The following CDH13 variants were observed in gnomAD, a reference collection of about 807,000 sequenced individuals.
CDH13 encodes cadherin-13.
CDH13 carries 24 observed loss-of-function variants against 63.8 expected under a neutral mutation model. The observed-to-expected ratio is 0.38, with a 90% CI of 0.27 to 0.53. CDH13 has a LOEUF of 0.53. Among genes scored for constraint, CDH13 ranks in the 20% least tolerant of loss-of-function variants. The pLI is 0.85. For missense variants in CDH13, 1,049 were observed against 903.1 expected (o/e 1.16, Z -2.07); for synonymous variants, 503 against 355.3 (o/e 1.42, Z -4.67).
intron 13 of CDH13, chr16:83,790,349 AAAGT>A (rs1236648671): frequency 1.3e-5 from 2 of 152,226 alleles, no homozygotes; most frequent in African/African-American, 4.8e-5. Flanking sequence ...ACTGATATTG[AAAGT>A]AATAAAAAAT....
intron 1 of CDH13, among the ~76,000 whole-genome samples, chr16:82,724,033 T>C (rs2032943987): frequency 6.6e-6 from 1 of 152,208 alleles, no homozygotes; most frequent in Non-Finnish European, 1.5e-5. Flanking sequence ...AACAACTTCA[T>C]TGGTACTCTC....
chr16:82,638,155 T>C (rs1908917359), intron 1 of CDH13, among the ~76,000 whole-genome samples: 1 of 152,164 alleles, frequency 6.6e-6, no homozygotes, highest in South Asian at 2.1e-4. Context: ...AAATGTTACC[T>C]ACCAACTATG....
chr16:82,677,134 G>C (rs1914019701), intron 1 of CDH13, among the ~76,000 whole-genome samples: 1 of 152,154 alleles, frequency 6.6e-6, no homozygotes, highest in Non-Finnish European at 1.5e-5. Context: ...CACCCTCCTT[G>C]GCCTCCCAAA....
At chr16:83,618,683 T>A (rs1462062899) in intron 8 of CDH13, among the ~76,000 whole-genome samples, 1 of 152,004 alleles carries the variant, frequency 6.6e-6, no homozygotes, top group Admixed American at 6.5e-5. Context: ...CAGAAGTGAA[T>A]AAATGAATCT....
At chr16:83,672,409 CTTTTTTTTTTTT>C (rs34156503) in intron 9 of CDH13, among the ~76,000 whole-genome samples, 575 of 35,122 alleles carry the variant, frequency 0.016, no homozygotes, top group African/African-American at 0.023. Context: ...TCTGGATTCT[CTTTTTTTTTTTT>C]TTTTTTTTTT....
chr16:83,534,534 C>T (rs1267998924), intron 7 of CDH13, among the ~76,000 whole-genome samples: 1 of 152,224 alleles, frequency 6.6e-6, no homozygotes, highest in Non-Finnish European at 1.5e-5. Flanking sequence ...AATGAATGTA[C>T]ATGGCTTGAC....
At chr16:83,147,392 G>A (rs984132641) in intron 4 of CDH13, among the ~76,000 whole-genome samples, 1 of 152,108 alleles carries the variant, frequency 6.6e-6, no homozygotes, top group African/African-American at 2.4e-5. Flanking sequence ...TCTCCTATCT[G>A]TGACTTTTAA....
At chr16:83,542,244 C>A (rs979973822) in intron 7 of CDH13, among the ~76,000 whole-genome samples, 5 of 152,210 alleles carry the variant, frequency 3.3e-5, no homozygotes, top group African/African-American at 9.6e-5. Flanking sequence ...CTTAGAGTCA[C>A]CCTATCAGAA....
chr16:82,730,336 G>A (rs1365839783), intron 1 of CDH13, among the ~76,000 whole-genome samples: 1 of 152,116 alleles, frequency 6.6e-6, no homozygotes, highest in African/African-American at 2.4e-5. Flanking sequence ...TGAGCATTTA[G>A]AGACCATTGT....
rs72032168 is a variant in CDH13 at position 83,621,475 on chromosome 16, C to CTTTTTTTTTT, written c.1101+18901_1101+18910dup. On this transcript the variant is annotated intron_variant, in intron 8 of 13. Coordinates refer to ENST00000567109, the MANE Select transcript of CDH13 (RefSeq NM_001257.5). ...GCCCTCTTGCTCTCACCTCACCTGC[C>CTTTTTTTTTT]TTTTTTTTTTTTTTTTTTTTTTTTT... is the stretch of plus-strand genomic sequence containing the variant. Among the ~76,000 whole-genome samples, 77 of 28,532 alleles carry CTTTTTTTTTT rather than the reference C, an allele frequency of 2.7e-3. 32 individuals are homozygous for CTTTTTTTTTT. Among genetic ancestry groups the CTTTTTTTTTT allele is most frequent in the South Asian group, 5.0e-3 (2 of 400 alleles). The allele number at this position is 28,532 out of a possible 152,430, so 18.7% of individuals were successfully genotyped here.
chr16:83,143,059 G>A (rs1463866505), intron 4 of CDH13, among the ~76,000 whole-genome samples: 3 of 152,258 alleles, frequency 2.0e-5, no homozygotes, highest in East Asian at 1.9e-4. Context: ...AGCCAAGATC[G>A]TGCCGTTGCG....
chr16:82,664,792 C>A (rs186498261), intron 1 of CDH13, among the ~76,000 whole-genome samples: 3 of 152,104 alleles, frequency 2.0e-5, no homozygotes, highest in Non-Finnish European at 4.4e-5. Context: ...GAAACAGTAA[C>A]AACAACATCA....
At chr16:82,878,328 T>G (rs11644647) in intron 2 of CDH13, among the ~76,000 whole-genome samples, 33,570 of 151,022 alleles carry the variant, frequency 0.22, 5,114 homozygotes, top group East Asian at 0.79. Context: ...GATTTTTGTT[T>G]TAGTAAAGTC....
rs1157261437 is a variant in CDH13, at chr16:83,581,085, T to C, written c.961-21369T>C. 2.0e-5 allele frequency among the ~76,000 whole-genome samples: 3 copies of C among 152,246 alleles called. No homozygotes were observed. The East Asian group carries it at 5.8e-4, about 29-fold the overall frequency. ...CTAGCCTTTGGTTTTGCATCTATAA[T>C]GAAAGTTGGGCAGATTGTATTTCAG... is the stretch of plus-strand genomic sequence containing the variant. On this transcript the variant is annotated intron_variant, in intron 7 of 13. Transcript: ENST00000567109.
intron 4 of CDH13, among the ~76,000 whole-genome samples, chr16:83,171,911 CTG>C (rs1320669782): frequency 6.6e-6 from 1 of 152,144 alleles, no homozygotes; most frequent in Non-Finnish European, 1.5e-5. Context: ...CCTCTGCACT[CTG>C]TTATTTAAGA....
intron 13 of CDH13, among the ~76,000 whole-genome samples, chr16:83,785,855 A>C (rs1915844245): frequency 6.6e-6 from 1 of 152,164 alleles, no homozygotes; most frequent in South Asian, 2.1e-4. Context: ...CTGGGAAATC[A>C]GGACCGTCCT....
At chr16:83,333,680 G>A (rs902076595) in intron 5 of CDH13, among the ~76,000 whole-genome samples, 8 of 152,072 alleles carry the variant, frequency 5.3e-5, no homozygotes, top group Admixed American at 5.2e-4. Flanking sequence ...AACCGAGAGT[G>A]GTATTCTAAA....
intron 7 of CDH13, among the ~76,000 whole-genome samples, chr16:83,531,647 G>C (rs1009800184): frequency 6.6e-6 from 1 of 152,140 alleles, no homozygotes; most frequent in Non-Finnish European, 1.5e-5. Context: ...GGAGGCGAGT[G>C]GTATTGACTG....
intron 11 of CDH13, among the ~76,000 whole-genome samples, chr16:83,770,783 T>A (rs1016898832): frequency 1.1e-4 from 17 of 152,124 alleles, no homozygotes; most frequent in Non-Finnish European, 2.5e-4. Flanking sequence ...TGTCACCATG[T>A]TGATTTTGGT....
Sources: gnomAD v4.1 joint callset for allele counts (sites outside exome capture counted in the v4.1 genomes callset) on GRCh38, gnomAD v4.1.1 for gene constraint, MANE v1.5 for transcripts, NCBI Gene and HGNC (gene_info 2026-07-23, HGNC 2026-07-21) for gene names.